The following EFNA5 variants were observed in gnomAD, a reference collection of about 807,000 sequenced individuals.
EFNA5 encodes ephrin A5.
A neutral mutation model predicts 22.9 loss-of-function variants in EFNA5; 5 were observed. That is an observed-to-expected ratio of 0.22 (90% CI 0.11 to 0.46). The LOEUF is 0.46. Ranked by LOEUF, EFNA5 falls within the 20% of genes least tolerant of loss-of-function variation. The pLI is 0.99. For missense variants in EFNA5, 237 were observed against 293.3 expected (o/e 0.81, Z 1.40); for synonymous variants, 113 against 112.2 (o/e 1.01, Z -0.04).
intron 1 of EFNA5, among the ~76,000 whole-genome samples, chr5:107,569,176 G>A (rs1254922906): frequency 6.6e-6 from 1 of 151,736 alleles, no homozygotes; most frequent in Non-Finnish European, 1.5e-5. Flanking sequence ...TTCTGTATTG[G>A]GGGTGAATGT....
chr5:107,571,580 T>G (rs901285137), intron 1 of EFNA5, among the ~76,000 whole-genome samples: 1 of 152,012 alleles, frequency 6.6e-6, no homozygotes, highest in Non-Finnish European at 1.5e-5. Context: ...TGGCATAGGT[T>G]TGGGCTCTCT....
In EFNA5 at chr5:107,623,027, C is replaced by CAAAAAAAAAAA. The variant is rs61689503; in HGVS notation, c.125+47451_125+47461dup. ...TGGGTGACAGAGCGAGACTCCGTCTCAAAAAAAAAAAAAAAAAAAAAAAAA... is the reference window on the plus strand; with the variant it reads ...TGGGTGACAGAGCGAGACTCCGTCTCAAAAAAAAAAAAAAAAAAAAAAAAAAAAAAAAAAAA... On this transcript the variant is annotated intron_variant, in intron 1 of 4. Coordinates refer to ENST00000333274, the MANE Select transcript of EFNA5 (RefSeq NM_001962.3). Among the ~76,000 whole-genome samples the CAAAAAAAAAAA allele has an allele frequency of 3.0e-4, 9 of 29,902 alleles. 1 individual carries two copies. Among genetic ancestry groups the CAAAAAAAAAAA allele is most frequent in the African/African-American group, 1.1e-3 (8 of 7,298 alleles). 19.6% of individuals were successfully genotyped at this position (29,902 alleles called of 152,430 possible). A position where few individuals can be genotyped will look rare whatever the true frequency, so the allele number is the denominator to read the frequency against.
intron 1 of EFNA5, among the ~76,000 whole-genome samples, chr5:107,630,489 A>C (rs1483765612): frequency 3.3e-5 from 5 of 152,184 alleles, no homozygotes; most frequent in Admixed American, 3.3e-4. Context: ...GCACAGTAAA[A>C]TTATGTTATA....
chr5:107,463,078 TAGAG>T (rs1266238036), intron 1 of EFNA5, among the ~76,000 whole-genome samples: 2 of 152,118 alleles, frequency 1.3e-5, no homozygotes, highest in Non-Finnish European at 2.9e-5. Context: ...TGAGATTAGA[TAGAG>T]AGGCAAGGGC....
At chr5:107,419,877 C>T (rs1427632556) in intron 2 of EFNA5, among the ~76,000 whole-genome samples, 1 of 152,190 alleles carries the variant, frequency 6.6e-6, no homozygotes, top group Non-Finnish European at 1.5e-5. Context: ...CACACACACA[C>T]ACTGAAGCAA....
intron 1 of EFNA5, among the ~76,000 whole-genome samples, chr5:107,538,839 T>C (rs1747981616): frequency 6.6e-6 from 1 of 152,050 alleles, no homozygotes; most frequent in South Asian, 2.1e-4. Context: ...GGTGTAGGGG[T>C]TGGAGGAGAA....
intron 2 of EFNA5, among the ~76,000 whole-genome samples, chr5:107,424,937 A>T (rs1282431021): frequency 6.6e-6 from 1 of 152,130 alleles, no homozygotes; most frequent in Non-Finnish European, 1.5e-5. Flanking sequence ...ACTGAACACC[A>T]AGCCACTGTG....
chr5:107,410,734 T>C (rs1256872679), intron 2 of EFNA5, among the ~76,000 whole-genome samples: 3 of 152,232 alleles, frequency 2.0e-5, no homozygotes, highest in Non-Finnish European at 4.4e-5. Context: ...TTAATAATTT[T>C]CTTGTTCCTT....
chr5:107,415,405 T>C (rs1228348476), intron 2 of EFNA5, among the ~76,000 whole-genome samples: 1 of 152,200 alleles, frequency 6.6e-6, no homozygotes, highest in African/African-American at 2.4e-5. Context: ...TGACCCAATC[T>C]ATCCAGTTTT....
In EFNA5 at chr5:107,378,502, G is replaced by T. The variant is rs1734254593; in HGVS notation, c.*2753C>A. The T allele has an allele frequency of 6.6e-6, 1 of 152,082 alleles. No individual in the cohort carries two copies. The highest frequency in any genetic ancestry group is 1.5e-5 in the Non-Finnish European group (1 of 68,004). The allele number at this position is 152,082 out of a possible 1,614,324, so 9.4% of individuals were successfully genotyped here. On this transcript the variant is annotated 3_prime_UTR_variant, in exon 5 of 5. Coordinates refer to ENST00000333274, the MANE Select transcript of EFNA5 (RefSeq NM_001962.3). ...CATCCTCCTAAGCCCCCAGAGGATT[G>T]TAACACCACCACAAAAGGCCACCAA...
intron 1 of EFNA5, among the ~76,000 whole-genome samples, chr5:107,633,007 G>A (rs1444438850): frequency 6.6e-6 from 1 of 152,018 alleles, no homozygotes; most frequent in Non-Finnish European, 1.5e-5. Flanking sequence ...GCACTTTTGT[G>A]TACAATGCAG....
chr5:107,554,755 C>A (rs780828857), intron 1 of EFNA5, among the ~76,000 whole-genome samples: 3 of 152,136 alleles, frequency 2.0e-5, no homozygotes, highest in African/African-American at 7.2e-5. Flanking sequence ...ATGGATTAGG[C>A]ACTATTTTCT....
intron 1 of EFNA5, among the ~76,000 whole-genome samples, chr5:107,569,571 A>ATGTATATATATATT (rs1216955310): frequency 3.9e-5 from 1 of 25,846 alleles, no homozygotes; most frequent in Non-Finnish European, 1.0e-4. Context: ...ATATATATAT[A>ATGTATATATATATT]TATATATATA....
chr5:107,460,244 T>C (rs571498117), intron 1 of EFNA5, among the ~76,000 whole-genome samples: 3 of 152,312 alleles, frequency 2.0e-5, no homozygotes, highest in African/African-American at 4.8e-5. Context: ...CATCCTCATA[T>C]TGATGAGACG....
chr5:107,635,935 C>T (rs1172175436), intron 1 of EFNA5, among the ~76,000 whole-genome samples: 1 of 152,172 alleles, frequency 6.6e-6, no homozygotes, highest in African/African-American at 2.4e-5. Flanking sequence ...ACCTAAGGGA[C>T]ATGGGTTGAA....
intron 1 of EFNA5, among the ~76,000 whole-genome samples, chr5:107,637,769 A>AAT (rs1750410095): frequency 6.7e-6 from 1 of 149,166 alleles, no homozygotes; most frequent in Non-Finnish European, 1.5e-5. Context: ...CATATGTAAT[A>AAT]ATATATATAA....
At chr5:107,430,580 C>T (rs1748921448) in intron 1 of EFNA5, among the ~76,000 whole-genome samples, 1 of 151,982 alleles carries the variant, frequency 6.6e-6, no homozygotes. Flanking sequence ...GTTTGCTCTC[C>T]TTTCCTAACT....
intron 1 of EFNA5, among the ~76,000 whole-genome samples, chr5:107,645,439 AAT>A (rs1750612229): frequency 6.6e-6 from 1 of 152,214 alleles, no homozygotes; most frequent in Non-Finnish European, 1.5e-5. Context: ...TTCACATGTT[AAT>A]AACTCTGCCA....
At chr5:107,659,400 T>C (rs182912748) in intron 1 of EFNA5, among the ~76,000 whole-genome samples, 19 of 152,102 alleles carry the variant, frequency 1.2e-4, no homozygotes, top group Admixed American at 7.9e-4. Context: ...AAATCCAAAA[T>C]TGATTCCAAA....
Sources: allele counts gnomAD v4.1 joint callset (sites outside exome capture counted in the v4.1 genomes callset), GRCh38; gene constraint gnomAD v4.1.1; transcripts MANE v1.5; gene names NCBI Gene and HGNC (gene_info 2026-07-23, HGNC 2026-07-21).